Variants in TAX1BP1 observed in about 807,000 individuals in gnomAD.
TAX1BP1 encodes the protein Tax1 binding protein 1, also known as tax1-binding protein 1.
Under a neutral mutation model 97.7 loss-of-function variants are expected in TAX1BP1, and 62 were observed. The observed-to-expected ratio is 0.63, with a 90% CI of 0.52 to 0.78. The LOEUF (loss-of-function observed/expected upper bound fraction) is 0.78. Ranked by LOEUF, TAX1BP1 falls within the 30% of genes least tolerant of loss-of-function variation. TAX1BP1 has a pLI of 0.00. For missense variants in TAX1BP1, 867 were observed against 916.1 expected (o/e 0.95, Z 0.69); for synonymous variants, 340 against 304.2 (o/e 1.12, Z -1.23).
chr7:27,794,533 T>A, intron 11 of TAX1BP1, 87 bp downstream of exon 11: 2 of 1,377,730 alleles, frequency 1.5e-6, no homozygotes, highest in Non-Finnish European at 1.9e-6. Flanking sequence ...AATTTCAGGA[T>A]GTTCATAAAA....
At chr7:27,758,725 A>T (rs1193448063) in intron 3 of TAX1BP1, among the ~76,000 whole-genome samples, 1 of 152,172 alleles carries the variant, frequency 6.6e-6, no homozygotes, top group Non-Finnish European at 1.5e-5. Context: ...AATACTGCAT[A>T]ATTCCGCTAT....
chr7:27,758,178 T>C, intron 3 of TAX1BP1, 45 bp downstream of exon 3: 1 of 1,445,900 alleles, frequency 6.9e-7, no homozygotes, highest in African/African-American at 1.4e-5. Flanking sequence ...AGATGTCTTA[T>C]TGCCATTAAA....
At position 27,829,443 on chromosome 7, in the gene TAX1BP1, A is replaced by C. The variant is rs1311971001; in HGVS notation, c.*614A>C. ...GCTAATTTTATGGCAAAATTTTAGA[A>C]TAACCTGAATGATTATTTTTAAACT... On this transcript the variant is annotated 3_prime_UTR_variant, in exon 17 of 17. Coordinates refer to ENST00000396319, the MANE Select transcript of TAX1BP1 (RefSeq NM_006024.7). The C allele has an allele frequency of 6.6e-6, 1 of 152,214 alleles. No homozygotes were observed. The highest frequency in any genetic ancestry group is 1.5e-5 in the Non-Finnish European group (1 of 68,028). 9.4% of individuals were successfully genotyped at this position (152,214 alleles called of 1,614,324 possible).
intron 15 of TAX1BP1, among the ~76,000 whole-genome samples, chr7:27,825,842 C>T (rs1204470581): frequency 6.6e-6 from 1 of 151,746 alleles, no homozygotes; most frequent in Non-Finnish European, 1.5e-5. Context: ...ATTTTTGGCC[C>T]CTAGAAAATT....
intron 8 of TAX1BP1, among the ~76,000 whole-genome samples, chr7:27,791,737 A>C (rs566164178): frequency 6.6e-6 from 1 of 152,254 alleles, no homozygotes; most frequent in Admixed American, 6.5e-5. Context: ...GCAGGTCCTT[A>C]AGCACTGGGT....
rs1257982583 is a variant in TAX1BP1, at chr7:27,792,380, T to G, written c.1263+150T>G. 5.2e-6 allele frequency: 4 copies of G among 773,950 alleles called. No homozygotes were observed. The Admixed American group carries it at 8.7e-5, about 17-fold the overall frequency. The allele number at this position is 773,950 out of a possible 1,614,324, so 47.9% of individuals were successfully genotyped here. A position where few individuals can be genotyped will look rare whatever the true frequency, so the allele number is the denominator to read the frequency against. On this transcript the variant is annotated intron_variant, in intron 9 of 16. Coordinates refer to ENST00000396319, the MANE Select transcript of TAX1BP1 (RefSeq NM_006024.7). The stretch of plus-strand genomic sequence containing the variant: ...TTCCTTTTGTTTAGTCATTGTGACT[T>G]CTTGGCTTACAGTTAATGTGTGCTG...
rs569505691 is a variant in TAX1BP1, at chr7:27,766,158, C to T, written c.453+137C>T. ...TGCTTTGGCTGGGCGCAGTGGCTCA[C>T]GCCTGTAATCCCGGCACTCTGGGAG... On this transcript the variant is annotated intron_variant, in intron 4 of 16. Coordinates refer to ENST00000396319, the MANE Select transcript of TAX1BP1 (RefSeq NM_006024.7). 25 of 835,626 alleles carry T rather than the reference C, an allele frequency of 3.0e-5. No homozygotes were observed. The East Asian group carries it at 5.1e-4, about 17-fold the overall frequency. 51.8% of individuals were successfully genotyped at this position (835,626 alleles called of 1,614,324 possible).
intron 5 of TAX1BP1, among the ~76,000 whole-genome samples, chr7:27,782,004 C>G (rs1052181734): frequency 2.0e-5 from 3 of 152,134 alleles, no homozygotes; most frequent in Non-Finnish European, 4.4e-5. Context: ...ACATGAGCCA[C>G]CGCACCTGGC....
chr7:27,751,533 A>G lies in TAX1BP1; in HGVS notation c.162+2847A>G, dbSNP rs752001927. On this transcript the variant is annotated intron_variant, in intron 2 of 16. Transcript: ENST00000396319. ...TTGTTGCTAAATGCTTATCATTAAT[A>G]CTTAATAAAGATCTCTACCTATCTT... Among the ~76,000 whole-genome samples, 66 of 152,312 alleles carry G rather than the reference A, an allele frequency of 4.3e-4. 1 individual carries two copies. Among genetic ancestry groups the G allele is most frequent in the Middle Eastern group, 6.8e-3 (2 of 294 alleles).
At chr7:27,753,206 A>G (rs536623775) in intron 2 of TAX1BP1, among the ~76,000 whole-genome samples, 2 of 152,336 alleles carry the variant, frequency 1.3e-5, no homozygotes, top group Admixed American at 6.5e-5. Flanking sequence ...AGGCTGAGAC[A>G]TGAGTATCGC....
chr7:27,745,147 C>T (rs1483584894), intron 1 of TAX1BP1, among the ~76,000 whole-genome samples: 1 of 152,196 alleles, frequency 6.6e-6, no homozygotes, highest in Non-Finnish European at 1.5e-5. Flanking sequence ...CAGAATTTGA[C>T]ATGGTAAAGC....
chr7:27,808,835 G>GCAGTTAATACTGTTTTGCT (rs1386560258), intron 13 of TAX1BP1, among the ~76,000 whole-genome samples: 2 of 152,192 alleles, frequency 1.3e-5, no homozygotes, highest in African/African-American at 4.8e-5. Flanking sequence ...TTATGAGTCA[G>GCAGTTAATACTGTTTTGCT]CAGTTAATAC....
intron 13 of TAX1BP1, among the ~76,000 whole-genome samples, chr7:27,814,149 A>G (rs1790672886): frequency 6.7e-6 from 1 of 149,796 alleles, no homozygotes; most frequent in Non-Finnish European, 1.5e-5. Context: ...CTTGGATTTA[A>G]CCTTTCTTTT....
At chr7:27,773,610 G>A (rs1464330952) in intron 5 of TAX1BP1, among the ~76,000 whole-genome samples, 1 of 152,002 alleles carries the variant, frequency 6.6e-6, no homozygotes, top group Non-Finnish European at 1.5e-5. Flanking sequence ...GTTCATCCAT[G>A]TTGTAATATA....
In TAX1BP1 at chr7:27,779,836, T is replaced by G. The variant is rs151270753; in HGVS notation, c.613-5327T>G. On this transcript the variant is annotated intron_variant, in intron 5 of 16. Coordinates refer to ENST00000396319, the MANE Select transcript of TAX1BP1 (RefSeq NM_006024.7). ...CCCACCCTTAGATTCCTAGAGAATTTATGTCTTCGTGATAGAAACTTGGTC... is the reference window on the plus strand; with the variant it reads ...CCCACCCTTAGATTCCTAGAGAATTGATGTCTTCGTGATAGAAACTTGGTC... Among the ~76,000 whole-genome samples, 876 of 152,328 alleles carry G rather than the reference T, an allele frequency of 5.8e-3. 6 individuals carry two copies. The highest frequency in any genetic ancestry group is 0.02 in the Middle Eastern group (6 of 294).
chr7:27,826,219 A>G (rs1353380475), intron 15 of TAX1BP1, among the ~76,000 whole-genome samples: 2 of 152,208 alleles, frequency 1.3e-5, no homozygotes, highest in Non-Finnish European at 2.9e-5. Flanking sequence ...AAGTATATAA[A>G]GTATTCGTGT....
chr7:27,797,792 A>C (rs1304825383), intron 12 of TAX1BP1, among the ~76,000 whole-genome samples: 1 of 151,738 alleles, frequency 6.6e-6, no homozygotes, highest in Non-Finnish European at 1.5e-5. Flanking sequence ...CTATAGAAAT[A>C]GTATTGAAAG....
intron 1 of TAX1BP1, among the ~76,000 whole-genome samples, chr7:27,744,126 T>G (rs1787728323): frequency 6.8e-6 from 1 of 147,584 alleles, no homozygotes; most frequent in African/African-American, 2.5e-5. Flanking sequence ...TTTTTTATTT[T>G]TATTTATTTT....
intron 2 of TAX1BP1, among the ~76,000 whole-genome samples, chr7:27,752,784 CT>C (rs1230841404): frequency 6.6e-6 from 1 of 152,134 alleles, no homozygotes; most frequent in Non-Finnish European, 1.5e-5. Flanking sequence ...GATGAGGGAA[CT>C]GAGGTTCAGA....
Sources: gnomAD v4.1 joint callset for allele counts (sites outside exome capture counted in the v4.1 genomes callset) on GRCh38, gnomAD v4.1.1 for gene constraint, MANE v1.5 for transcripts, NCBI Gene and HGNC (gene_info 2026-07-23, HGNC 2026-07-21) for gene names.